The following DOCK11 variants were observed in gnomAD, a reference collection of about 807,000 sequenced individuals.
DOCK11 encodes dedicator of cytokinesis 11.
In DOCK11, 70 loss-of-function variants were observed where a neutral mutation model predicts 169.1. That is an observed-to-expected ratio of 0.41 (90% confidence interval 0.34 to 0.51). DOCK11 has a LOEUF of 0.51. Among genes scored for constraint, DOCK11 ranks in the 20% least tolerant of loss-of-function variants. The probability of loss-of-function intolerance (pLI) is 0.10; values close to 1 mark genes in which losing one functional copy is unlikely to be tolerated. For synonymous variants in DOCK11, 529 were observed against 541.3 expected (o/e 0.98, Z 0.32); for missense variants, 1,166 against 1,538.8 (o/e 0.76, Z 4.05).
intron 32 of DOCK11, among the ~76,000 whole-genome samples, chrX:118,626,828 A>G (rs1251346600): frequency 8.9e-6 from 1 of 112,590 alleles, no homozygotes; most frequent in Non-Finnish European, 1.9e-5. Context: ...TTATTTGGAA[A>G]TATTTCACTT....
chrX:118,622,323 A>G (rs976942953), intron 31 of DOCK11, among the ~76,000 whole-genome samples: 3 of 112,246 alleles, frequency 2.7e-5, no homozygotes, highest in African/African-American at 6.5e-5. Flanking sequence ...TCACTTAACA[A>G]TACAGCCTGA....
chrX:118,659,473 A>G (rs1408178733), intron 44 of DOCK11, among the ~76,000 whole-genome samples: 2 of 112,189 alleles, frequency 1.8e-5, no homozygotes, highest in African/African-American at 3.2e-5. Context: ...AACTTGTTTC[A>G]TCTGAAAATC....
chrX:118,662,930 G>A (rs2016252481), intron 45 of DOCK11, 138 bp downstream of exon 45: 1 of 439,387 alleles, frequency 2.3e-6, no homozygotes, highest in Non-Finnish European at 4.0e-6. Flanking sequence ...AAACTGTCCA[G>A]GGCAAAGATG....
At chrX:118,658,385 G>C (rs749942483) in intron 44 of DOCK11, among the ~76,000 whole-genome samples, 2 of 112,596 alleles carry the variant, frequency 1.8e-5, no homozygotes, top group African/African-American at 6.5e-5. Context: ...CTACTGTGTA[G>C]CGTTTTTAAG....
intron 46 of DOCK11, among the ~76,000 whole-genome samples, chrX:118,675,093 T>A (rs1391876000): frequency 1.8e-5 from 2 of 112,185 alleles, no homozygotes; most frequent in South Asian, 3.6e-4. Flanking sequence ...GATCTGTGAT[T>A]TGCATATATT....
intron 46 of DOCK11, among the ~76,000 whole-genome samples, chrX:118,671,899 G>A (rs1348253609): frequency 1.8e-5 from 2 of 112,244 alleles, no homozygotes; most frequent in East Asian, 2.8e-4. Flanking sequence ...GGCTTGTCTC[G>A]AACTCTTGAC....
chrX:118,608,974 A>G (rs1198821733), intron 26 of DOCK11, among the ~76,000 whole-genome samples: 1 of 111,775 alleles, frequency 8.9e-6, no homozygotes, highest in Non-Finnish European at 1.9e-5. Flanking sequence ...CGGTAACAAG[A>G]TAAACTAGAA....
At chrX:118,578,421 A>G (rs2013520364) in intron 12 of DOCK11, 104 bp from the exon 13 acceptor site, 1 of 928,270 alleles carries the variant, frequency 1.1e-6, no homozygotes, top group South Asian at 2.0e-5. Context: ...CCTGGACATG[A>G]TCCTTTGTTG....
At chrX:118,591,804 C>T in intron 19 of DOCK11, among the ~76,000 whole-genome samples, 1 of 36,094 alleles carries the variant, frequency 2.8e-5, no homozygotes, top group Non-Finnish European at 6.1e-5. Flanking sequence ...CACAACAGTC[C>T]CCAGAGTGTG....
At chrX:118,611,486 A>G (rs2147463670) in intron 28 of DOCK11, among the ~76,000 whole-genome samples, 1 of 112,396 alleles carries the variant, frequency 8.9e-6, no homozygotes, top group Non-Finnish European at 1.9e-5. Flanking sequence ...ATTCATTTAA[A>G]TCGTTTCTCT....
chrX:118,594,781 A>T (rs1394699943), intron 20 of DOCK11, among the ~76,000 whole-genome samples: 1 of 111,561 alleles, frequency 9.0e-6, no homozygotes, highest in African/African-American at 3.3e-5. Context: ...AGTGGCTGAG[A>T]ATCAGAGAAG....
chrX:118,536,298 CA>C (rs529784778), intron 1 of DOCK11, among the ~76,000 whole-genome samples: 217 of 98,093 alleles, frequency 2.2e-3, no homozygotes, highest in Admixed American at 2.0e-3. Context: ...GACCTTGTCT[CA>C]AAAAAAAAAA....
At chrX:118,559,233 C>G (rs1342417355) in intron 6 of DOCK11, among the ~76,000 whole-genome samples, 5 of 111,643 alleles carry the variant, frequency 4.5e-5, no homozygotes, top group Non-Finnish European at 7.5e-5. Flanking sequence ...AAAAAAATTT[C>G]TCAGACTATA....
chrX:118,603,148 A>G (rs2014393568), intron 23 of DOCK11, among the ~76,000 whole-genome samples: 1 of 112,423 alleles, frequency 8.9e-6, no homozygotes, highest in African/African-American at 3.2e-5. Context: ...GTAAAAGGAT[A>G]ACAGAATATC....
At chrX:118,581,799 G>A (rs1407806892) in intron 14 of DOCK11, among the ~76,000 whole-genome samples, 6 of 55,006 alleles carry the variant, frequency 1.1e-4, no homozygotes, top group Non-Finnish European at 1.5e-4. Flanking sequence ...GCGAGACTCC[G>A]TCTCCTAAAA....
intron 26 of DOCK11, among the ~76,000 whole-genome samples, chrX:118,608,619 T>C (rs1293721707): frequency 9.0e-6 from 1 of 111,565 alleles, no homozygotes; most frequent in Non-Finnish European, 1.9e-5. Flanking sequence ...CATCACAAAA[T>C]AGTTTTGTGA....
At chrX:118,545,533 G>A (rs914665814) in intron 5 of DOCK11, 141 bp downstream of exon 5, 3 of 472,301 alleles carry the variant, frequency 6.4e-6, no homozygotes, top group Admixed American at 5.6e-5. Flanking sequence ...CTTTCAAACC[G>A]GGTGCTTTTC....
At chrX:118,562,164 A>C (rs2012932866) in intron 7 of DOCK11, among the ~76,000 whole-genome samples, 1 of 104,827 alleles carries the variant, frequency 9.5e-6, no homozygotes, top group Non-Finnish European at 2.0e-5. Context: ...AGACTCCATC[A>C]CAAAAAAAAA....
chrX:118,683,316 A>G, intron 52 of DOCK11, 99 bp downstream of exon 52: 1 of 906,173 alleles, frequency 1.1e-6, no homozygotes, highest in East Asian at 3.4e-5. Context: ...CCTTAAAGTT[A>G]TTAAGTCTAT....
Sources: allele counts gnomAD v4.1 joint callset (sites outside exome capture counted in the v4.1 genomes callset), GRCh38; gene constraint gnomAD v4.1.1; transcripts MANE v1.5; gene names NCBI Gene and HGNC (gene_info 2026-07-23, HGNC 2026-07-21).